Variants in NOSTRIN observed in about 807,000 individuals in gnomAD.
NOSTRIN encodes the protein nitric oxide synthase trafficking, also known as BM247 homolog.
In NOSTRIN, 63 loss-of-function variants were observed where a neutral mutation model predicts 59.0. The observed-to-expected ratio is 1.07, with a 90% CI of 0.87 to 1.32. The LOEUF is 1.32. NOSTRIN is among the 40% of genes most tolerant of loss of function. The probability of loss-of-function intolerance (pLI) is 0.00; values close to 1 mark genes in which losing one functional copy is unlikely to be tolerated. For synonymous variants in NOSTRIN, 200 were observed against 165.4 expected (o/e 1.21, Z -1.61); for missense variants, 512 against 473.1 (o/e 1.08, Z -0.76).
chr2:168,827,623 G>A (rs1387236284), intron 3 of NOSTRIN, among the ~76,000 whole-genome samples: 6 of 152,014 alleles, frequency 3.9e-5, no homozygotes, highest in Non-Finnish European at 5.9e-5. Context: ...GCCCAGGCTG[G>A]AGTACAGTGG....
chr2:168,840,546 AAAAAAC>A (rs1459400760), intron 7 of NOSTRIN, among the ~76,000 whole-genome samples: 8 of 150,222 alleles, frequency 5.3e-5, no homozygotes, highest in Admixed American at 2.6e-4. Context: ...AAAAAAAAAA[AAAAAAC>A]AAAAAAACAG....
upstream of NOSTRIN, among the ~76,000 whole-genome samples, chr2:168,799,922 C>T (rs537337926): frequency 6.6e-6 from 1 of 152,232 alleles, no homozygotes; most frequent in Non-Finnish European, 1.5e-5. Flanking sequence ...CACTAAGTTC[C>T]TCCTATTATG....
chr2:168,841,357 G>T (rs998843209), intron 7 of NOSTRIN, among the ~76,000 whole-genome samples: 23 of 151,744 alleles, frequency 1.5e-4, no homozygotes, highest in Admixed American at 3.3e-4. Flanking sequence ...TCAGAAACAT[G>T]AAATTACTTG....
At chr2:168,826,612 A>G (rs1348972642) in intron 3 of NOSTRIN, among the ~76,000 whole-genome samples, 1 of 152,198 alleles carries the variant, frequency 6.6e-6, no homozygotes, top group Non-Finnish European at 1.5e-5. Flanking sequence ...CTCCATTCAG[A>G]CACAGACTGA....
chr2:168,832,368 A>G (rs939077649), intron 6 of NOSTRIN, among the ~76,000 whole-genome samples: 2 of 152,252 alleles, frequency 1.3e-5, no homozygotes, highest in Non-Finnish European at 1.5e-5. Flanking sequence ...AATTCATTTC[A>G]GGTAGAAAGG....
intron 7 of NOSTRIN, among the ~76,000 whole-genome samples, chr2:168,837,718 G>A (rs1469493472): frequency 6.6e-6 from 1 of 152,090 alleles, no homozygotes; most frequent in Non-Finnish European, 1.5e-5. Flanking sequence ...TCCACTAAGA[G>A]TGTTCTTGCC....
At chr2:168,860,650 G>A (rs1689376839) in intron 13 of NOSTRIN, 145 bp from the exon 14 acceptor site, 4 of 579,434 alleles carry the variant, frequency 6.9e-6, no homozygotes, top group African/African-American at 3.9e-5. Flanking sequence ...CAGCCTGGGT[G>A]ACAGGGCAAG....
At chr2:168,791,733 T>C (rs1685358511) in intron 2 of NOSTRIN, among the ~76,000 whole-genome samples, 1 of 114,220 alleles carries the variant, frequency 8.8e-6, no homozygotes, top group African/African-American at 3.5e-5. Flanking sequence ...TGCATTTCTC[T>C]GATGGCCAGT....
intron 8 of NOSTRIN, chr2:168,850,859 T>A (rs1345900959): frequency 1.3e-6 from 1 of 796,208 alleles, no homozygotes; most frequent in East Asian, 2.6e-5. Flanking sequence ...TCTGCCTATA[T>A]GCCTTTTGGG....
chr2:168,860,984 C>A, intron 14 of NOSTRIN, 75 bp downstream of exon 14: 1 of 932,886 alleles, frequency 1.1e-6, no homozygotes, highest in Non-Finnish European at 1.8e-6. Context: ...ATTTTAGTTT[C>A]AGAGCCACTT....
intron 2 of NOSTRIN, among the ~76,000 whole-genome samples, chr2:168,789,120 G>T (rs1188015674): frequency 6.6e-6 from 1 of 152,176 alleles, no homozygotes; most frequent in Non-Finnish European, 1.5e-5. Context: ...GAAAGCAAAG[G>T]CTGGGTGTGG....
intron 1 of NOSTRIN, among the ~76,000 whole-genome samples, chr2:168,810,839 G>A (rs1686091053): frequency 6.6e-6 from 1 of 152,140 alleles, no homozygotes; most frequent in African/African-American, 2.4e-5. Context: ...CTCTGTTTGG[G>A]CACTTAAAAT....
chr2:168,793,652 G>A (rs1036961377), upstream of NOSTRIN, among the ~76,000 whole-genome samples: 6 of 151,998 alleles, frequency 3.9e-5, no homozygotes, highest in East Asian at 1.9e-4. Flanking sequence ...ACAAATATGC[G>A]TAAGTTCCTA....
At chr2:168,794,575 T>A (rs1025307818), upstream of NOSTRIN, among the ~76,000 whole-genome samples, 1 of 151,984 alleles carries the variant, frequency 6.6e-6, no homozygotes, top group African/African-American at 2.4e-5. Context: ...ATGGTCTTGA[T>A]CTCCTGACCT....
upstream of NOSTRIN, among the ~76,000 whole-genome samples, chr2:168,794,192 A>T (rs1375354737): frequency 2.6e-5 from 4 of 152,188 alleles, no homozygotes; most frequent in Non-Finnish European, 1.5e-5. Flanking sequence ...GGAATGAATG[A>T]GTGAATGGAT....
chr2:168,794,996 C>T (rs1685445133), upstream of NOSTRIN, among the ~76,000 whole-genome samples: 1 of 152,232 alleles, frequency 6.6e-6, no homozygotes, highest in Non-Finnish European at 1.5e-5. Flanking sequence ...TTCCCACACC[C>T]ATCCACCAGC....
At chr2:168,849,844 T>C (rs1001741835) in intron 8 of NOSTRIN, among the ~76,000 whole-genome samples, 7 of 151,860 alleles carry the variant, frequency 4.6e-5, no homozygotes, top group Admixed American at 3.9e-4. Flanking sequence ...GCTTAGTTGC[T>C]AAAGCTTTCT....
intron 2 of NOSTRIN, among the ~76,000 whole-genome samples, chr2:168,823,997 C>A (rs1686911908): frequency 6.6e-6 from 1 of 152,114 alleles, no homozygotes. Context: ...ATCACTTGAA[C>A]CTGGGAGGTG....
At chr2:168,839,126 T>C (rs949808671) in intron 7 of NOSTRIN, among the ~76,000 whole-genome samples, 1 of 152,162 alleles carries the variant, frequency 6.6e-6, no homozygotes, top group African/African-American at 2.4e-5. Context: ...CCTTCCTGAC[T>C]TGAACCTTGC....
Sources: gnomAD v4.1 joint callset for allele counts (sites outside exome capture counted in the v4.1 genomes callset) on GRCh38, gnomAD v4.1.1 for gene constraint, MANE v1.5 for transcripts, NCBI Gene and HGNC (gene_info 2026-07-23, HGNC 2026-07-21) for gene names.